The following EBAG9 variants were observed in gnomAD, a reference collection of about 807,000 sequenced individuals.
EBAG9 encodes receptor-binding cancer antigen expressed on SiSo cells.
In EBAG9, 16 loss-of-function variants were observed where a neutral mutation model predicts 30.9. That is an observed-to-expected ratio of 0.52 (90% CI 0.35 to 0.79). The LOEUF (loss-of-function observed/expected upper bound fraction) is 0.79. EBAG9 is among the 30% of genes least tolerant of loss of function. The probability of loss-of-function intolerance (pLI) is 0.01; values close to 1 mark genes in which losing one functional copy is unlikely to be tolerated. For missense variants in EBAG9, 197 were observed against 242.1 expected, an observed-to-expected ratio of 0.81 and a Z score of 1.24; for synonymous variants, 93 against 82.8, an observed-to-expected ratio of 1.12 and a Z score of -0.67.
chr8:109,563,527 A>C (rs772204806), intron 6 of EBAG9: 1 of 1,596,914 alleles, frequency 6.3e-7, no homozygotes, highest in Non-Finnish European at 8.5e-7. Flanking sequence ...CGGAAAGAGT[A>C]AGGAACAGGT....
At chr8:109,557,797 G>A (rs1821631252) in intron 5 of EBAG9, 2 of 433,930 alleles carry the variant, frequency 4.6e-6, no homozygotes, top group African/African-American at 4.1e-5. Context: ...TCATTTCAAA[G>A]ACAGCTCACT....
rs369253495 is a variant in EBAG9 at position 109,564,591 on chromosome 8, G to T, written c.*32G>T. The T allele has an allele frequency of 9.3e-6, 15 of 1,607,814 alleles. No individual in the cohort carries two copies. In the African/African-American group the frequency reaches 1.9e-4, roughly 20 times the overall value. ...TTCAAATTTTATCATGCCAGTAGGA[G>T]AAATCTCAGCTCCACAACCCAAGCA... On this transcript the variant is annotated 3_prime_UTR_variant, in exon 7 of 7. Coordinates refer to ENST00000337573, the MANE Select transcript of EBAG9 (RefSeq NM_004215.5).
intron 6 of EBAG9, among the ~76,000 whole-genome samples, chr8:109,563,227 A>C (rs962172317): frequency 7.2e-5 from 11 of 152,132 alleles, no homozygotes; most frequent in African/African-American, 2.7e-4. Context: ...AGAACTGTAC[A>C]TACATTTCAC....
Position 109,564,687 on chromosome 8 carries a change from C to A in EBAG9, c.*128C>A. On this transcript the variant is annotated 3_prime_UTR_variant, in exon 7 of 7. Coordinates refer to ENST00000337573, the MANE Select transcript of EBAG9 (RefSeq NM_004215.5). ...ATTTTAATACATTGATCAGGCCATCCAGGACACCACGATTCTCCCAAAGTA... is the reference window on the plus strand; with the variant it reads ...ATTTTAATACATTGATCAGGCCATCAAGGACACCACGATTCTCCCAAAGTA... 1 of 1,313,402 alleles carries A rather than the reference C, an allele frequency of 7.6e-7. No homozygotes were observed. Among genetic ancestry groups the A allele is most frequent in the Non-Finnish European group, 1.0e-6 (1 of 967,236 alleles). The allele number at this position is 1,313,402 out of a possible 1,614,324, so 81.4% of individuals were successfully genotyped here.
chr8:109,560,330 G>A (rs1489642036), intron 5 of EBAG9, among the ~76,000 whole-genome samples: 3 of 152,162 alleles, frequency 2.0e-5, no homozygotes, highest in African/African-American at 4.8e-5. Flanking sequence ...GATTGAGACA[G>A]TAAGTGCCAA....
chr8:109,555,181 T>A (rs1035433290), intron 4 of EBAG9, among the ~76,000 whole-genome samples: 3 of 151,796 alleles, frequency 2.0e-5, no homozygotes, highest in Non-Finnish European at 4.4e-5. Context: ...CCCCTTCCTA[T>A]GTCCATGTGT....
intron 1 of EBAG9, 22 bp from the exon 2 acceptor site, chr8:109,550,788 T>C: frequency 7.1e-7 from 1 of 1,416,052 alleles, no homozygotes; most frequent in Non-Finnish European, 9.9e-7. Context: ...AATGCATTTT[T>C]TGTTTTGTGC....
At chr8:109,541,163 A>G (rs1180878627) in intron 1 of EBAG9, among the ~76,000 whole-genome samples, 1 of 152,164 alleles carries the variant, frequency 6.6e-6, no homozygotes, top group Non-Finnish European at 1.5e-5. Flanking sequence ...TCATTCTGAT[A>G]TACCTCAAAT....
chr8:109,555,980 A>G (rs1413163216), intron 4 of EBAG9, among the ~76,000 whole-genome samples: 1 of 152,092 alleles, frequency 6.6e-6, no homozygotes, highest in East Asian at 1.9e-4. Context: ...CTATATGGTT[A>G]TATTGCCATT....
At chr8:109,561,072 T>C (rs1373651901) in intron 6 of EBAG9, 143 bp downstream of exon 6, 1 of 634,778 alleles carries the variant, frequency 1.6e-6, no homozygotes, top group Non-Finnish European at 2.6e-6. Context: ...TTTTTTTTTG[T>C]ATTTCAGACT....
At chr8:109,556,818 T>C in intron 4 of EBAG9, 117 bp from the exon 5 acceptor site, 1 of 488,352 alleles carries the variant, frequency 2.0e-6, no homozygotes, top group Non-Finnish European at 3.4e-6. Context: ...TTTTTAGTTT[T>C]TACATTATAA....
At chr8:109,546,701 T>C (rs1052622570) in intron 1 of EBAG9, among the ~76,000 whole-genome samples, 1 of 152,184 alleles carries the variant, frequency 6.6e-6, no homozygotes, top group Non-Finnish European at 1.5e-5. Flanking sequence ...GATAATTCTT[T>C]TTCCAGTGTG....
Position 109,559,530 on chromosome 8 carries a change from AGCC to A in EBAG9, c.430-1306_430-1304del, listed in dbSNP as rs1413935468. Among the ~76,000 whole-genome samples the A allele has an allele frequency of 2.0e-5, 3 of 152,314 alleles. No individual in the cohort carries two copies. The East Asian group carries it at 5.8e-4, about 29-fold the overall frequency. On this transcript the variant is annotated intron_variant, in intron 5 of 6. Coordinates refer to ENST00000337573, the MANE Select transcript of EBAG9 (RefSeq NM_004215.5). ...ATTAGTAAAGATAGAAAAGAAAGCC[AGCC>A]GAGTGCAGTGGCTCACACTTGTAAT...
At chr8:109,554,621 A>C (rs1456800838) in intron 3 of EBAG9, 108 bp from the exon 4 acceptor site, 1 of 1,115,132 alleles carries the variant, frequency 9.0e-7, no homozygotes, top group African/African-American at 1.6e-5. Context: ...TGGGTTAAAA[A>C]AGTTTGAAAA....
intron 5 of EBAG9, among the ~76,000 whole-genome samples, chr8:109,557,282 T>C (rs929645550): frequency 6.6e-6 from 1 of 152,202 alleles, no homozygotes; most frequent in African/African-American, 2.4e-5. Context: ...AGAGATACAA[T>C]GTTATTTAAA....
At chr8:109,556,034 A>G (rs780404329) in intron 4 of EBAG9, among the ~76,000 whole-genome samples, 9 of 152,124 alleles carry the variant, frequency 5.9e-5, no homozygotes, top group Non-Finnish European at 8.8e-5. Context: ...CATTCATACT[A>G]TGGTAAATGA....
Position 109,554,694 on chromosome 8 carries a change from C to T in EBAG9, c.163-35C>T, listed in dbSNP as rs758714788. ...CAATGATGTGTTCATTAAGTTGCCCCTTTGTGGCTGATAATGTTGATCAAT... is the reference window on the plus strand; with the variant it reads ...CAATGATGTGTTCATTAAGTTGCCCTTTTGTGGCTGATAATGTTGATCAAT... On this transcript the variant is annotated intron_variant, in intron 3 of 6. Transcript: ENST00000337573. The T allele has an allele frequency of 3.1e-6, 5 of 1,594,762 alleles. No homozygotes were observed. In the African/African-American group the frequency reaches 4.0e-5, roughly 13 times the overall value.
chr8:109,563,313 C>A, intron 6 of EBAG9: 1 of 1,482,282 alleles, frequency 6.7e-7, no homozygotes, highest in Non-Finnish European at 9.1e-7. Context: ...CCTAATGTTG[C>A]CTATTCCATG....
rs552528789 is a variant in EBAG9, at chr8:109,540,427, T to G, written c.-50T>G. Reference sequence around the variant, plus strand: ...GCGCCAGGCGTCGGCTTGTATAACCTGAAAACGCTCCTGTTTTTCTCATCT... The same window carrying G: ...GCGCCAGGCGTCGGCTTGTATAACCGGAAAACGCTCCTGTTTTTCTCATCT... On this transcript the variant is annotated 5_prime_UTR_variant, in exon 1 of 7. Coordinates refer to ENST00000337573, the MANE Select transcript of EBAG9 (RefSeq NM_004215.5). The G allele has an allele frequency of 6.6e-6, 1 of 152,252 alleles. No individual in the cohort carries two copies. The allele number at this position is 152,252 out of a possible 1,614,324, so 9.4% of individuals were successfully genotyped here. A position where few individuals can be genotyped will look rare whatever the true frequency, so the allele number is the denominator to read the frequency against.
Sources: allele counts gnomAD v4.1 joint callset (sites outside exome capture counted in the v4.1 genomes callset), GRCh38; gene constraint gnomAD v4.1.1; transcripts MANE v1.5; gene names NCBI Gene and HGNC (gene_info 2026-07-23, HGNC 2026-07-21).